Variants in EDIL3 observed in about 807,000 individuals in gnomAD.
EDIL3 encodes the protein EGF like and discoidin domains 3.
A neutral mutation model predicts 67.4 loss-of-function variants in EDIL3; 37 were observed. The ratio of observed to expected loss-of-function variants is 0.55; its 90% CI spans 0.42 to 0.72. The LOEUF (loss-of-function observed/expected upper bound fraction) is 0.72. Among genes scored for constraint, EDIL3 ranks in the 30% least tolerant of loss-of-function variants. EDIL3 has a pLI of 0.00. For missense variants in EDIL3, 527 were observed against 586.3 expected (o/e 0.90, Z 1.04); for synonymous variants, 195 against 196.3 (o/e 0.99, Z 0.05).
At chr5:84,016,320 A>G (rs975956773) in intron 9 of EDIL3, among the ~76,000 whole-genome samples, 7 of 152,296 alleles carry the variant, frequency 4.6e-5, no homozygotes, top group African/African-American at 1.2e-4. Flanking sequence ...ATCGTCATGC[A>G]TATCAAAACA....
intron 9 of EDIL3, among the ~76,000 whole-genome samples, chr5:84,049,616 G>A (rs1580299001): frequency 6.6e-6 from 1 of 152,076 alleles, no homozygotes; most frequent in Admixed American, 6.5e-5. Flanking sequence ...TGGAATAATT[G>A]GCTCAGAATG....
At chr5:84,263,192 A>C (rs1299010872) in intron 1 of EDIL3, among the ~76,000 whole-genome samples, 1 of 152,180 alleles carries the variant, frequency 6.6e-6, no homozygotes, top group Non-Finnish European at 1.5e-5. Context: ...AAAGCATGAG[A>C]GAGGGCCACC....
chr5:83,997,018 T>A (rs748522095), intron 9 of EDIL3, among the ~76,000 whole-genome samples: 6 of 152,058 alleles, frequency 3.9e-5, no homozygotes, highest in Non-Finnish European at 8.8e-5. Context: ...GAGGGAACAA[T>A]ACTGGCTAGG....
In EDIL3 at chr5:84,341,392, A is replaced by G. The variant is rs561182381; in HGVS notation, c.67+42916T>C. Among the ~76,000 whole-genome samples, 13 of 152,240 alleles carry G rather than the reference A, an allele frequency of 8.5e-5. No individual in the cohort carries two copies. The South Asian group carries it at 1.2e-3, about 15-fold the overall frequency. The stretch of plus-strand genomic sequence containing the variant: ...TTCTAGTTGAAGAGTTTATACTCAG[A>G]CAACTATGCCTGACTATAAGTGAAA... On this transcript the variant is annotated intron_variant, in intron 1 of 10. Coordinates refer to ENST00000296591, the MANE Select transcript of EDIL3 (RefSeq NM_005711.5).
At chr5:84,315,018 TTTTTA>T (rs1746482909) in intron 1 of EDIL3, among the ~76,000 whole-genome samples, 1 of 152,186 alleles carries the variant, frequency 6.6e-6, no homozygotes, top group African/African-American at 2.4e-5. Flanking sequence ...CTTTTGCAAT[TTTTTA>T]TTTTATTATC....
At chr5:84,222,839 C>T (rs973493357) in intron 3 of EDIL3, among the ~76,000 whole-genome samples, 3 of 151,618 alleles carry the variant, frequency 2.0e-5, no homozygotes, top group Non-Finnish European at 3.0e-5. Flanking sequence ...TAACTATTTG[C>T]GATTGACTCA....
At chr5:84,172,854 A>T (rs1748835920) in intron 4 of EDIL3, among the ~76,000 whole-genome samples, 1 of 152,124 alleles carries the variant, frequency 6.6e-6, no homozygotes, top group Admixed American at 6.5e-5. Context: ...GAAAAACGCT[A>T]TATTAACTGC....
intron 2 of EDIL3, among the ~76,000 whole-genome samples, chr5:84,242,482 T>G (rs1744816628): frequency 6.6e-6 from 1 of 152,150 alleles, no homozygotes; most frequent in South Asian, 2.1e-4. Context: ...ATGCTCAGCA[T>G]GTAAGAAACA....
chr5:84,282,263 C>T (rs1219428293), intron 1 of EDIL3, among the ~76,000 whole-genome samples: 1 of 152,094 alleles, frequency 6.6e-6, no homozygotes, highest in Admixed American at 6.6e-5. Context: ...GCACCCTCTT[C>T]AGAAGCCACT....
chr5:83,998,444 A>C (rs1189793903), intron 9 of EDIL3, among the ~76,000 whole-genome samples: 2 of 152,158 alleles, frequency 1.3e-5, no homozygotes, highest in Non-Finnish European at 1.5e-5. Flanking sequence ...GGAGACAGGC[A>C]GTAGTTGCCA....
chr5:84,194,818 A>G (rs1023897424), intron 3 of EDIL3, among the ~76,000 whole-genome samples: 2 of 152,082 alleles, frequency 1.3e-5, no homozygotes, highest in Middle Eastern at 3.4e-3. Context: ...ACAATTTTGT[A>G]GGAAATTTTG....
At chr5:84,382,818 G>C (rs1200629353) in intron 1 of EDIL3, among the ~76,000 whole-genome samples, 1 of 151,966 alleles carries the variant, frequency 6.6e-6, no homozygotes, top group African/African-American at 2.4e-5. Context: ...CTTTGTAAAC[G>C]CAGGCGAGGC....
intron 5 of EDIL3, among the ~76,000 whole-genome samples, chr5:84,132,220 G>A (rs891204142): frequency 1.4e-5 from 2 of 141,652 alleles, no homozygotes; most frequent in Admixed American, 7.7e-5. Context: ...CCTGGGAGAC[G>A]GAGAGAGACT....
At chr5:83,943,964 G>T (rs1489988664) in intron 10 of EDIL3, among the ~76,000 whole-genome samples, 7 of 152,040 alleles carry the variant, frequency 4.6e-5, no homozygotes, top group Non-Finnish European at 8.8e-5. Flanking sequence ...ATCATCTGGA[G>T]CAGGCGGCCT....
chr5:84,152,215 G>A (rs1004041672), intron 4 of EDIL3, among the ~76,000 whole-genome samples: 3 of 152,112 alleles, frequency 2.0e-5, no homozygotes, highest in Non-Finnish European at 4.4e-5. Flanking sequence ...ACTGCTCCCA[G>A]CCCTCTCTTT....
chr5:84,040,705 T>C (rs995917552), intron 9 of EDIL3, among the ~76,000 whole-genome samples: 8 of 152,108 alleles, frequency 5.3e-5, no homozygotes, highest in African/African-American at 1.9e-4. Context: ...TAAGCTGGAA[T>C]TTTTATCCTT....
chr5:84,229,929 A>C, intron 2 of EDIL3, 45 bp from the exon 3 acceptor site: 2 of 1,316,006 alleles, frequency 1.5e-6, no homozygotes, highest in Non-Finnish European at 2.1e-6. Flanking sequence ...GTAGAAGTGA[A>C]GGGAGGGAGA....
intron 6 of EDIL3, among the ~76,000 whole-genome samples, chr5:84,081,353 T>C (rs1417540304): frequency 3.3e-5 from 5 of 152,064 alleles, no homozygotes; most frequent in Non-Finnish European, 7.4e-5. Context: ...TTTGATGAAA[T>C]TGTAAATATT....
intron 3 of EDIL3, among the ~76,000 whole-genome samples, chr5:84,206,332 A>C (rs1238944407): frequency 2.0e-5 from 3 of 151,992 alleles, no homozygotes; most frequent in Non-Finnish European, 2.9e-5. Flanking sequence ...TTTACTTCCA[A>C]GTATGTGGTC....
Sources: allele counts gnomAD v4.1 joint callset (sites outside exome capture counted in the v4.1 genomes callset), GRCh38; gene constraint gnomAD v4.1.1; transcripts MANE v1.5; gene names NCBI Gene and HGNC (gene_info 2026-07-23, HGNC 2026-07-21).